SHPRH: variants seen among roughly 807,000 people sequenced by gnomAD.
SHPRH encodes the protein SNF2 histone linker PHD RING helicase.
In SHPRH, 106 loss-of-function variants were observed where a neutral mutation model predicts 202.5. That is an observed-to-expected ratio of 0.52 (90% CI 0.45 to 0.62). The LOEUF is 0.62. Among genes scored for constraint, SHPRH ranks in the 20% least tolerant of loss-of-function variants. The probability of loss-of-function intolerance (pLI) is 0.00; values close to 1 mark genes in which losing one functional copy is unlikely to be tolerated. For synonymous variants in SHPRH, 729 were observed against 686.0 expected (o/e 1.06, Z -0.98); for missense variants, 1,710 against 2,020.0 (o/e 0.85, Z 2.94).
intron 28 of SHPRH, among the ~76,000 whole-genome samples, chr6:145,892,974 G>A (rs900611499): frequency 1.6e-4 from 24 of 151,816 alleles, no homozygotes; most frequent in Non-Finnish European, 2.1e-4. Flanking sequence ...GAAAAAAATT[G>A]GGACAATTTG....
intron 4 of SHPRH, 24 bp downstream of exon 4, chr6:145,950,240 T>C (rs778935042): frequency 6.2e-7 from 1 of 1,606,722 alleles, no homozygotes; most frequent in Non-Finnish European, 8.5e-7. Context: ...TCAATTGGAC[T>C]TTCTTTAAAC....
At chr6:145,914,721 A>T (rs754341084) in intron 23 of SHPRH, among the ~76,000 whole-genome samples, 10 of 151,980 alleles carry the variant, frequency 6.6e-5, no homozygotes, top group Non-Finnish European at 1.2e-4. Context: ...TTCTTCTTTG[A>T]CCCATGGGTT....
At position 145,921,591 on chromosome 6, in the gene SHPRH, C is replaced by A. The variant is rs530139339; in HGVS notation, c.3783-199G>T. 4.0e-5 allele frequency among the ~76,000 whole-genome samples: 6 copies of A among 151,506 alleles called. No individual in the cohort carries two copies. The East Asian group carries it at 1.2e-3, about 29-fold the overall frequency. On this transcript the variant is annotated intron_variant, in intron 20 of 29. Transcript: ENST00000275233. ...ATCCACTGTAATAAACAGAAAGCTA[C>A]TGATTCATTTGCCATAACAACACAA... is the stretch of plus-strand genomic sequence containing the variant.
intron 2 of SHPRH, among the ~76,000 whole-genome samples, chr6:145,876,250 G>A (rs1780295511): frequency 7.0e-6 from 1 of 143,794 alleles, no homozygotes; most frequent in African/African-American, 2.4e-5. Context: ...GTGTACACCT[G>A]TAGTCCCAGC....
intron 2 of SHPRH, among the ~76,000 whole-genome samples, chr6:145,872,273 C>A (rs902108919): frequency 2.6e-5 from 4 of 151,868 alleles, no homozygotes; most frequent in Admixed American, 2.6e-4. Context: ...ACAGAACGGG[C>A]GAAAATTGTT....
chr6:145,958,270 T>C (rs1788711110), intron 1 of SHPRH, among the ~76,000 whole-genome samples: 1 of 152,324 alleles, frequency 6.6e-6, no homozygotes, highest in East Asian at 1.9e-4. Flanking sequence ...TCAAATTATA[T>C]ACTTTAAATT....
intron 11 of SHPRH, among the ~76,000 whole-genome samples, chr6:145,940,417 A>G (rs535330634): frequency 1.2e-5 from 1 of 80,320 alleles, no homozygotes; most frequent in African/African-American, 5.0e-5. Flanking sequence ...TTTGTTTTCT[A>G]CCTATGACTT....
intron 24 of SHPRH, among the ~76,000 whole-genome samples, chr6:145,911,866 C>T (rs1172755689): frequency 6.6e-6 from 1 of 152,094 alleles, no homozygotes; most frequent in African/African-American, 2.4e-5. Flanking sequence ...TCCTACTGTT[C>T]TCTAGCTGCA....
chr6:145,960,479 T>C (rs1788979168), intron 1 of SHPRH, among the ~76,000 whole-genome samples: 1 of 152,144 alleles, frequency 6.6e-6, no homozygotes, highest in African/African-American at 2.4e-5. Flanking sequence ...AATAACATGG[T>C]TATTGTGGAA....
Position 145,954,782 on chromosome 6 carries a change from A to C in SHPRH, c.541T>G (p.Phe181Val), listed in dbSNP as rs913353747. The C allele has an allele frequency of 7.4e-5, 120 of 1,613,678 alleles. No homozygotes were observed. The highest frequency in any genetic ancestry group is 8.9e-5 in the Non-Finnish European group (105 of 1,179,854). Residue 181 changes from phenylalanine to valine, a missense_variant, in exon 2 of 30, where the codon TTC (phenylalanine) becomes GTC (valine). Physicochemically the swap from Phe to Val is conservative, Grantham distance 50. Around this residue, in one of 8 missense-constraint regions of SHPRH, gnomAD observed 459 missense variants for 426.5 expected, o/e 1.08. Coordinates refer to ENST00000275233, the MANE Select transcript of SHPRH (RefSeq NM_001042683.3). ...AAATCTTCTAACATTTCACCACTGA[A>C]GGATGACTCCACCAGAATACCCTTG... ...CDKGILVESS[F>V]SGEMLEDLGW...
rs9390367 is a variant in SHPRH at position 145,921,337 on chromosome 6, C to T, written c.3838G>A (p.Val1280Met). 139 of 1,612,828 alleles carry T rather than the reference C, an allele frequency of 8.6e-5. No individual in the cohort carries two copies. The East Asian group carries it at 3.0e-3, about 34-fold the overall frequency. ...EEMIEDEEGLVDDRAPTTTRG... is the reference protein window; with the variant it reads ...EEMIEDEEGLMDDRAPTTTRG... ...GTGGTGGTAGGTGCTCGATCATCCA[C>T]CAGTCCTTCTTCATCTTCTATCATC... Residue 1280 changes from valine to methionine, a missense_variant, in exon 21 of 30, where the codon GTG (valine) becomes ATG (methionine). Transcript: ENST00000275233.
Position 145,955,284 on chromosome 6 carries a change from T to TAG in SHPRH, c.38_39insCT (p.Asp14Ter), listed in dbSNP as rs1562376008. 16 of 1,608,652 alleles carry TAG rather than the reference T, an allele frequency of 9.9e-6. No homozygotes were observed. Among genetic ancestry groups the TAG allele is most frequent in the Non-Finnish European group, 1.3e-5 (15 of 1,178,572 alleles). ...GAAGCTGCTGCCTCTTTTCCTCATC[T>TAG]ACCCTCACTGGAGGAGCACGTTTCC... On this transcript the variant is annotated frameshift_variant, in exon 2 of 30. Coordinates refer to ENST00000275233, the MANE Select transcript of SHPRH (RefSeq NM_001042683.3). LOFTEE classifies it high-confidence loss of function.
At chr6:145,894,510 T>C (rs1238035618) in intron 26 of SHPRH, among the ~76,000 whole-genome samples, 1 of 151,338 alleles carries the variant, frequency 6.6e-6, no homozygotes, top group African/African-American at 2.4e-5. Flanking sequence ...CATACTGGAA[T>C]ATAGTTACTT....
downstream of SHPRH, chr6:145,883,305 C>T (rs940130063): frequency 2.6e-5 from 4 of 152,114 alleles, no homozygotes; most frequent in African/African-American, 7.2e-5. Context: ...GATGAAGATA[C>T]GAGGATGGTG....
At chr6:145,954,538 C>T (rs1041126424) in intron 2 of SHPRH, 152 bp downstream of exon 2, 18 of 765,148 alleles carry the variant, frequency 2.4e-5, no homozygotes, top group Admixed American at 1.6e-4. Context: ...TTGTAACATA[C>T]TTTGAATAGT....
chr6:145,895,386 T>C (rs1387471168), intron 25 of SHPRH, among the ~76,000 whole-genome samples: 1 of 152,024 alleles, frequency 6.6e-6, no homozygotes, highest in East Asian at 1.9e-4. Context: ...ATACAATGAA[T>C]CAAAACTCCC....
chr6:145,954,027 G>A (rs918283801), intron 2 of SHPRH, among the ~76,000 whole-genome samples: 1 of 151,784 alleles, frequency 6.6e-6, no homozygotes, highest in African/African-American at 2.4e-5. Flanking sequence ...GAGATTCTGA[G>A]GAGAGGGCAC....
rs1784119510 is a variant in SHPRH, at chr6:145,918,227, T to C, written c.4158A>G (p.Glu1386=). 3 of 1,563,670 alleles carry C rather than the reference T, an allele frequency of 1.9e-6. No individual in the cohort carries two copies. Among genetic ancestry groups the C allele is most frequent in the Non-Finnish European group, 2.6e-6 (3 of 1,159,456 alleles). The change falls in exon 23 of 30, where the codon GAA becomes GAG. Residue 1386 remains glutamate (E), a synonymous_variant. Coordinates refer to ENST00000275233, the MANE Select transcript of SHPRH (RefSeq NM_001042683.3). ...VLHIIEPHEV[E]QNRIKLLNDK... ...CATTTAGTAGTTTTATTCGGTTTTG[T>C]TCTACCTAAAGAAAATAAAAATAAA...
chr6:145,909,040 C>T (rs897876257), intron 25 of SHPRH: 5 of 151,994 alleles, frequency 3.3e-5, no homozygotes, highest in African/African-American at 9.7e-5. Context: ...TCGGGTCTGT[C>T]AAAGATCAGT....
Sources: allele counts gnomAD v4.1 joint callset (sites outside exome capture counted in the v4.1 genomes callset), GRCh38; gene constraint gnomAD v4.1.1; regional missense constraint gnomAD v4.1.1; transcripts MANE v1.5; gene names NCBI Gene and HGNC (gene_info 2026-07-23, HGNC 2026-07-21).